The following CDKAL1 variants were observed in gnomAD, a reference collection of about 807,000 sequenced individuals.
The protein encoded by CDKAL1 is CDKAL1 threonylcarbamoyladenosine tRNA methylthiotransferase, also known as threonylcarbamoyladenosine tRNA methylthiotransferase.
In CDKAL1, 32 loss-of-function variants were observed where a neutral mutation model predicts 68.2. That is an observed-to-expected ratio of 0.47 (90% CI 0.35 to 0.63). The LOEUF is 0.63. Ranked by LOEUF, CDKAL1 falls within the 30% of genes least tolerant of loss-of-function variation. CDKAL1 has a pLI of 0.00. For synonymous variants in CDKAL1, 234 were observed against 244.3 expected (o/e 0.96, Z 0.39); for missense variants, 606 against 696.7 (o/e 0.87, Z 1.47).
At chr6:20,640,613 G>A (rs1163160189) in intron 4 of CDKAL1, among the ~76,000 whole-genome samples, 1 of 152,170 alleles carries the variant, frequency 6.6e-6, no homozygotes, top group Admixed American at 6.5e-5. Flanking sequence ...TTTGAAGCCC[G>A]ATTGTTAGTC....
chr6:20,720,575 C>T (rs1356470965), intron 5 of CDKAL1, among the ~76,000 whole-genome samples: 1 of 150,992 alleles, frequency 6.6e-6, no homozygotes. Context: ...GGTGTGATCT[C>T]GGCTCACGGC....
chr6:20,684,193 G>A (rs567093300), intron 5 of CDKAL1, among the ~76,000 whole-genome samples: 4 of 152,276 alleles, frequency 2.6e-5, no homozygotes, highest in South Asian at 2.1e-4. Context: ...TGTAATCCCC[G>A]CACTTTGGGA....
At chr6:20,764,305 C>A (rs141866772) in intron 7 of CDKAL1, among the ~76,000 whole-genome samples, 1 of 152,242 alleles carries the variant, frequency 6.6e-6, no homozygotes, top group East Asian at 1.9e-4. Context: ...CTGTTGAGAT[C>A]CCTATTGTAA....
intron 13 of CDKAL1, among the ~76,000 whole-genome samples, chr6:21,169,100 A>C (rs75578970): frequency 0.036 from 5,555 of 152,264 alleles, 283 homozygotes; most frequent in African/African-American, 0.11. Flanking sequence ...TATCCAGATG[A>C]AAGAAATACG....
chr6:20,865,028 G>A (rs552904594), intron 9 of CDKAL1, among the ~76,000 whole-genome samples: 1 of 152,204 alleles, frequency 6.6e-6, no homozygotes, highest in Non-Finnish European at 1.5e-5. Context: ...TCTAAAGTGT[G>A]TATCAAATAA....
At chr6:20,796,237 G>A (rs1776104514) in intron 8 of CDKAL1, among the ~76,000 whole-genome samples, 1 of 152,094 alleles carries the variant, frequency 6.6e-6, no homozygotes, top group Admixed American at 6.6e-5. Context: ...AGGAAATACA[G>A]AAATTATTTA....
chr6:21,044,547 C>G (rs76949601), intron 11 of CDKAL1, among the ~76,000 whole-genome samples: 12,539 of 152,110 alleles, frequency 0.082, 630 homozygotes, highest in Admixed American at 0.15. Context: ...TCACAGATGC[C>G]AAAATTGTTA....
At chr6:20,899,755 A>G (rs1441204339) in intron 9 of CDKAL1, among the ~76,000 whole-genome samples, 2 of 152,334 alleles carry the variant, frequency 1.3e-5, no homozygotes, top group East Asian at 3.9e-4. Context: ...AGGCAGGAGA[A>G]TCACTTGAAC....
intron 9 of CDKAL1, among the ~76,000 whole-genome samples, chr6:20,896,119 T>TTTTGTTG (rs757829127): frequency 7.3e-6 from 1 of 136,440 alleles, no homozygotes; most frequent in African/African-American, 2.6e-5. Flanking sequence ...TTTTTTTTTT[T>TTTTGTTG]GAGATGGAGT....
At chr6:20,813,140 T>A (rs568950652) in intron 8 of CDKAL1, among the ~76,000 whole-genome samples, 1 of 152,288 alleles carries the variant, frequency 6.6e-6, no homozygotes, top group African/African-American at 2.4e-5. Context: ...CTCAAGAGAA[T>A]CTTGCTTTAT....
intron 4 of CDKAL1, among the ~76,000 whole-genome samples, chr6:20,615,721 T>G (rs1329233559): frequency 2.9e-5 from 4 of 136,700 alleles, no homozygotes; most frequent in African/African-American, 7.9e-5. Flanking sequence ...TTTCTCCCAT[T>G]TTGTAGGTTG....
At chr6:20,677,066 G>A (rs1363803846) in intron 5 of CDKAL1, among the ~76,000 whole-genome samples, 3 of 149,030 alleles carry the variant, frequency 2.0e-5, no homozygotes, top group Non-Finnish European at 4.4e-5. Context: ...TTTTTTATTT[G>A]ATAATTTTTT....
intron 13 of CDKAL1, among the ~76,000 whole-genome samples, chr6:21,184,154 A>T (rs1168943427): frequency 1.3e-5 from 2 of 151,852 alleles, no homozygotes; most frequent in African/African-American, 2.4e-5. Context: ...AACAGGCCCT[A>T]AAAAAATGAA....
intron 9 of CDKAL1, among the ~76,000 whole-genome samples, chr6:20,933,216 A>C (rs1763550325): frequency 2.6e-5 from 4 of 152,238 alleles, no homozygotes; most frequent in Non-Finnish European, 5.9e-5. Flanking sequence ...TCTGAATTTA[A>C]GTATTTACCT....
intron 4 of CDKAL1, among the ~76,000 whole-genome samples, chr6:20,640,513 C>G (rs1768123313): frequency 6.6e-6 from 1 of 152,182 alleles, no homozygotes; most frequent in Non-Finnish European, 1.5e-5. Flanking sequence ...ATTAATCTCC[C>G]TTTGCTTCCA....
chr6:20,787,048 A>T (rs1250896959), intron 8 of CDKAL1, among the ~76,000 whole-genome samples: 1 of 152,120 alleles, frequency 6.6e-6, no homozygotes, highest in African/African-American at 2.4e-5. Context: ...CTATCAGATT[A>T]TCCTTAGCTT....
chr6:21,013,865 G>C (rs992308810), intron 11 of CDKAL1, among the ~76,000 whole-genome samples: 2 of 152,146 alleles, frequency 1.3e-5, no homozygotes, highest in Non-Finnish European at 2.9e-5. Flanking sequence ...TCTCAGACAA[G>C]ATAGATAGAT....
chr6:20,868,009 A>G (rs1759997504), intron 9 of CDKAL1, among the ~76,000 whole-genome samples: 1 of 152,192 alleles, frequency 6.6e-6, no homozygotes, highest in Non-Finnish European at 1.5e-5. Context: ...TGAGGAAGAA[A>G]GCTAGGCAAA....
Position 20,860,572 on chromosome 6 carries a change from C to T in CDKAL1, c.742+14394C>T, listed in dbSNP as rs1389669847. Among the ~76,000 whole-genome samples the T allele has an allele frequency of 2.0e-5, 3 of 152,116 alleles. No homozygotes were observed. The South Asian group carries it at 6.2e-4, about 32-fold the overall frequency. ...GGGCACGGTGGCTCACGCCTGTAAT[C>T]ACAGCCCTTTGGGAGGCCAAGTGGG... On this transcript the variant is annotated intron_variant, in intron 9 of 15. Transcript: ENST00000274695.
Sources: gnomAD v4.1 joint callset for allele counts (sites outside exome capture counted in the v4.1 genomes callset) on GRCh38, gnomAD v4.1.1 for gene constraint, MANE v1.5 for transcripts, NCBI Gene and HGNC (gene_info 2026-07-23, HGNC 2026-07-21) for gene names.